Variants in EFL1 observed in about 807,000 individuals in gnomAD.
EFL1 encodes elongation factor like GTPase 1.
EFL1 carries 76 observed loss-of-function variants against 126.7 expected under a neutral mutation model. The observed-to-expected ratio is 0.60, with a 90% CI of 0.50 to 0.73. The LOEUF (loss-of-function observed/expected upper bound fraction) is 0.73, where lower values mean the gene tolerates loss of function less well. Among genes scored for constraint, EFL1 ranks in the 30% least tolerant of loss-of-function variants. The pLI is 0.00. For missense variants in EFL1, 1,128 were observed against 1,343.2 expected (o/e 0.84, Z 2.50); for synonymous variants, 410 against 448.4 (o/e 0.91, Z 1.08).
intron 16 of EFL1, among the ~76,000 whole-genome samples, chr15:82,162,788 C>T (rs530496162): frequency 6.6e-5 from 10 of 152,212 alleles, no homozygotes; most frequent in Non-Finnish European, 1.0e-4. Flanking sequence ...GAACTTGAGA[C>T]AGCAATGAGT....
At chr15:82,248,999 A>C (rs1448361980) in intron 4 of EFL1, among the ~76,000 whole-genome samples, 1 of 152,098 alleles carries the variant, frequency 6.6e-6, no homozygotes, top group African/African-American at 2.4e-5. Flanking sequence ...AAAGTTAGAT[A>C]GTTACCTCAC....
At chr15:82,135,714 G>A (rs2073713645) in intron 19 of EFL1, among the ~76,000 whole-genome samples, 1 of 152,190 alleles carries the variant, frequency 6.6e-6, no homozygotes, top group African/African-American at 2.4e-5. Context: ...CTTGTTAGAT[G>A]TGGTCAGATG....
chr15:82,193,207 C>G (rs900891819), intron 15 of EFL1, among the ~76,000 whole-genome samples: 3 of 151,962 alleles, frequency 2.0e-5, no homozygotes, highest in Non-Finnish European at 4.4e-5. Flanking sequence ...ACTACTGGAT[C>G]CTGAAAATGG....
rs148730883 is a variant in EFL1 at position 82,162,880 on chromosome 15, C to G, written c.1882+973G>C. Among the ~76,000 whole-genome samples the G allele has an allele frequency of 1.9e-3, 294 of 152,298 alleles. 2 individuals are homozygous for G. Among genetic ancestry groups the G allele is most frequent in the African/African-American group, 6.9e-3 (286 of 41,552 alleles). On this transcript the variant is annotated intron_variant, in intron 16 of 19. Coordinates refer to ENST00000268206, the MANE Select transcript of EFL1 (RefSeq NM_024580.6). Reference sequence around the variant, plus strand: ...CATTGTACACCTCAACAGAAAACTACCATTTTACCATTTGTCCTTTGGTTT... The same window carrying G: ...CATTGTACACCTCAACAGAAAACTAGCATTTTACCATTTGTCCTTTGGTTT...
At chr15:82,226,470 T>C (rs1207417175) in intron 11 of EFL1, among the ~76,000 whole-genome samples, 7 of 152,114 alleles carry the variant, frequency 4.6e-5, no homozygotes, top group Non-Finnish European at 7.4e-5. Context: ...GAGTGTGAGA[T>C]AAATATAAGG....
At chr15:82,251,507 A>T (rs1004935510) in intron 4 of EFL1, among the ~76,000 whole-genome samples, 1 of 152,202 alleles carries the variant, frequency 6.6e-6, no homozygotes, top group Non-Finnish European at 1.5e-5. Context: ...AAAACAGACT[A>T]ATAATCTGAG....
chr15:82,259,947 C>A (rs1228835873), intron 2 of EFL1, among the ~76,000 whole-genome samples: 1 of 152,144 alleles, frequency 6.6e-6, no homozygotes, highest in Non-Finnish European at 1.5e-5. Flanking sequence ...AGCATATAAT[C>A]CTAGAGCATC....
chr15:82,185,701 G>C (rs2074296604), intron 15 of EFL1, among the ~76,000 whole-genome samples: 1 of 151,926 alleles, frequency 6.6e-6, no homozygotes, highest in East Asian at 1.9e-4. Context: ...TTACATATAA[G>C]GTAGTGTTCA....
At chr15:82,223,983 A>C (rs942951177) in intron 12 of EFL1, among the ~76,000 whole-genome samples, 3 of 152,360 alleles carry the variant, frequency 2.0e-5, no homozygotes, top group Admixed American at 6.5e-5. Context: ...TAAAAAACAA[A>C]GCATAACCTT....
chr15:82,151,659 T>G lies in EFL1; in HGVS notation c.2795A>C (p.Asp932Ala), dbSNP rs767964929. The G allele has an allele frequency of 6.2e-7, 1 of 1,614,174 alleles. No individual in the cohort carries two copies. The change falls in exon 18 of 20, where the codon GAT (aspartate) becomes GCT (alanine). Residue 932 changes from aspartate to alanine, a missense_variant. Coordinates refer to ENST00000268206, the MANE Select transcript of EFL1 (RefSeq NM_024580.6). ...SGGNENQELQ[D>A]GCSEAFEKRT... ...CTTCTCAAAGGCCTCAGAGCAGCCA[T>G]CTTGTAGCTCTTGGTTTTCATTTCC...
At chr15:82,164,384 C>T (rs2141243231) in intron 15 of EFL1, among the ~76,000 whole-genome samples, 1 of 152,152 alleles carries the variant, frequency 6.6e-6, no homozygotes, top group East Asian at 1.9e-4. Context: ...AATCCATCTG[C>T]ATATGAGTAA....
At chr15:82,190,815 T>C (rs2074351661) in intron 15 of EFL1, among the ~76,000 whole-genome samples, 1 of 152,196 alleles carries the variant, frequency 6.6e-6, no homozygotes, top group Non-Finnish European at 1.5e-5. Context: ...AATACATGTA[T>C]ATCTGGATTT....
At chr15:82,209,954 C>T (rs1389408054) in intron 15 of EFL1, among the ~76,000 whole-genome samples, 1 of 152,150 alleles carries the variant, frequency 6.6e-6, no homozygotes, top group East Asian at 1.9e-4. Context: ...TTTTCATCTG[C>T]ACTTGATAAA....
At chr15:82,171,358 G>C (rs996815929) in intron 15 of EFL1, among the ~76,000 whole-genome samples, 2 of 152,156 alleles carry the variant, frequency 1.3e-5, no homozygotes, top group Admixed American at 6.5e-5. Flanking sequence ...AGTGACAGCG[G>C]TCTGTTAGAC....
At chr15:82,212,587 T>C (rs576398765) in intron 15 of EFL1, among the ~76,000 whole-genome samples, 163 of 152,364 alleles carry the variant, frequency 1.1e-3, no homozygotes, top group Non-Finnish European at 1.9e-3. Context: ...GTTCCTTCAA[T>C]GTTACACTCA....
chr15:82,151,122 C>T (rs1417770866), intron 18 of EFL1, among the ~76,000 whole-genome samples: 1 of 152,150 alleles, frequency 6.6e-6, no homozygotes, highest in Admixed American at 6.5e-5. Context: ...CAGTGGCTCA[C>T]GCCTGTAATC....
rs1429684563 is a variant in EFL1, at chr15:82,157,597, C to T, written c.2030+116G>A. The T allele has an allele frequency of 1.3e-5, 16 of 1,205,162 alleles. No individual in the cohort carries two copies. In the East Asian group the frequency reaches 1.4e-4, roughly 11 times the overall value. The allele number at this position is 1,205,162 out of a possible 1,614,324, so 74.7% of individuals were successfully genotyped here. On this transcript the variant is annotated intron_variant, in intron 17 of 19. Coordinates refer to ENST00000268206, the MANE Select transcript of EFL1 (RefSeq NM_024580.6). Reference sequence around the variant, plus strand: ...TAACTGTTCATGTCTGAATTGAGGGCATTTCATTTTTCTCCAAAAATAAGC... The same window carrying T: ...TAACTGTTCATGTCTGAATTGAGGGTATTTCATTTTTCTCCAAAAATAAGC...
At chr15:82,228,375 A>C (rs1484568418) in intron 9 of EFL1, 48 bp from the exon 10 acceptor site, 1 of 1,572,714 alleles carries the variant, frequency 6.4e-7, no homozygotes, top group East Asian at 2.3e-5. Context: ...ATGCAGATAT[A>C]AACAGGCAGT....
At chr15:82,197,529 G>C (rs1381661047) in intron 15 of EFL1, among the ~76,000 whole-genome samples, 1 of 152,114 alleles carries the variant, frequency 6.6e-6, no homozygotes, top group African/African-American at 2.4e-5. Flanking sequence ...TGGGGGTTCA[G>C]GATATTAGTG....
Sources: gnomAD v4.1 joint callset for allele counts (sites outside exome capture counted in the v4.1 genomes callset) on GRCh38, gnomAD v4.1.1 for gene constraint, MANE v1.5 for transcripts, NCBI Gene and HGNC (gene_info 2026-07-23, HGNC 2026-07-21) for gene names.